The following SAXO4 variants were observed in gnomAD, a reference collection of about 807,000 sequenced individuals.
SAXO4 encodes protein phosphatase 1 regulatory subunit 32.
chr11:61,486,007 C>A, the SAXO4 span: 1 of 871,100 alleles, frequency 1.1e-6, no homozygotes, highest in Non-Finnish European at 1.8e-6. Flanking sequence ...CTGCAGAGCC[C>A]TTTGTTCAAA....
chr11:61,482,023 C>A, the SAXO4 span: 33 of 814,552 alleles, frequency 4.1e-5, no homozygotes, highest in East Asian at 5.2e-4. Context: ...TGCAGAGCAA[C>A]TGCTGAATCC....
At chr11:61,483,598 G>T in the SAXO4 span, among the ~76,000 whole-genome samples, 139,098 of 152,130 alleles carry the variant, frequency 0.91, 63,728 homozygotes, top group East Asian at 1. Context: ...TGATAAGAGC[G>T]GGTGGAGTGC....
At chr11:61,481,863 G>A in the SAXO4 span, 35 of 1,559,666 alleles carry the variant, frequency 2.2e-5, no homozygotes, top group Admixed American at 7.0e-4. Context: ...AGATGAGTTC[G>A]GGGGGCTACA....
the SAXO4 span, among the ~76,000 whole-genome samples, chr11:61,487,990 T>TC: frequency 1.4e-5 from 2 of 144,524 alleles, no homozygotes; most frequent in Admixed American, 6.8e-5. Flanking sequence ...TTCTTCTTCT[T>TC]TTTTTTTTTT....
chr11:61,490,393 C>G, the SAXO4 span: 3 of 1,027,388 alleles, frequency 2.9e-6, no homozygotes, highest in Non-Finnish European at 4.6e-6. Flanking sequence ...GCTGCCCTGG[C>G]TGAACCCTGG....
the SAXO4 span, chr11:61,489,804 G>T: frequency 3.7e-6 from 6 of 1,613,814 alleles, no homozygotes; most frequent in South Asian, 4.4e-5. Flanking sequence ...CATCCCCAAG[G>T]GTCTAGACCA....
the SAXO4 span, chr11:61,482,181 C>T: frequency 2.5e-6 from 2 of 795,004 alleles, no homozygotes; most frequent in South Asian, 3.3e-5. Flanking sequence ...GCTTGCAAAG[C>T]TCCTGCCCGT....
chr11:61,489,671 T>G, the SAXO4 span: 10 of 1,133,384 alleles, frequency 8.8e-6, no homozygotes, highest in Non-Finnish European at 1.3e-5. Context: ...GAGGACAGCA[T>G]GAGCAAAGGT....
the SAXO4 span, chr11:61,486,006 C>T: frequency 2.3e-6 from 2 of 875,728 alleles, no homozygotes; most frequent in Non-Finnish European, 3.6e-6. Context: ...GCTGCAGAGC[C>T]CTTTGTTCAA....
At chr11:61,489,429 GC>G in the SAXO4 span, 1 of 547,666 alleles carries the variant, frequency 1.8e-6, no homozygotes, top group East Asian at 3.0e-5. Flanking sequence ...TCTGGACCTG[GC>G]TGTGCTCAGT....
At chr11:61,482,480 T>G in the SAXO4 span, 1 of 1,577,326 alleles carries the variant, frequency 6.3e-7, no homozygotes, top group Non-Finnish European at 8.7e-7. Flanking sequence ...TCAGACCAAC[T>G]CCAGGTTCCT....
chr11:61,485,292 G>A, the SAXO4 span: 4 of 1,574,062 alleles, frequency 2.5e-6, no homozygotes, highest in East Asian at 4.5e-5. Context: ...CGCCTTCGGG[G>A]CCCTGGTGGG....
chr11:61,485,944 G>A, the SAXO4 span: 6 of 1,447,750 alleles, frequency 4.1e-6, no homozygotes, highest in Non-Finnish European at 5.8e-6. Flanking sequence ...AGAACTTTAG[G>A]GGGCTTGAAG....
the SAXO4 span, among the ~76,000 whole-genome samples, chr11:61,487,413 T>C: frequency 1.3e-5 from 2 of 152,088 alleles, no homozygotes; most frequent in Non-Finnish European, 2.9e-5. Context: ...CAGGCAGTTA[T>C]TAGGCGTGTG....
the SAXO4 span, among the ~76,000 whole-genome samples, chr11:61,487,913 G>A: frequency 6.6e-6 from 1 of 152,204 alleles, no homozygotes; most frequent in Non-Finnish European, 1.5e-5. Context: ...GAGCCATGGG[G>A]AAGCCTCCTG....
the SAXO4 span, chr11:61,482,816 C>T: frequency 2.5e-6 from 4 of 1,597,004 alleles, no homozygotes; most frequent in South Asian, 2.2e-5. Context: ...GAGGTCAGTG[C>T]TGGGCCAGGG....
chr11:61,486,962 C>G, the SAXO4 span: 1 of 1,614,082 alleles, frequency 6.2e-7, no homozygotes, highest in Non-Finnish European at 8.5e-7. Flanking sequence ...CCCCTCCCTG[C>G]CCAGAACCCA....
chr11:61,489,500 A>G, the SAXO4 span: 1 of 575,732 alleles, frequency 1.7e-6, no homozygotes, highest in Non-Finnish European at 3.1e-6. Context: ...GAAGTGGATG[A>G]GACGGGGTCC....
chr11:61,486,431 A>G, the SAXO4 span: 1 of 1,613,790 alleles, frequency 6.2e-7, no homozygotes, highest in Non-Finnish European at 8.5e-7. Context: ...GAGGCTGGGG[A>G]CCGCCTGGCG....
Sources: allele counts gnomAD v4.1 joint callset (sites outside exome capture counted in the v4.1 genomes callset), GRCh38; gene constraint gnomAD v4.1.1; transcripts MANE v1.5; gene names NCBI Gene and HGNC (gene_info 2026-07-23, HGNC 2026-07-21).